Variants in CDH12 observed in about 807,000 individuals in gnomAD.
The protein encoded by CDH12 is cadherin 12.
Under a neutral mutation model 74.1 loss-of-function variants are expected in CDH12, and 41 were observed. The observed-to-expected ratio is 0.55, with a 90% CI of 0.43 to 0.72. The LOEUF (loss-of-function observed/expected upper bound fraction) is 0.72. Among genes scored for constraint, CDH12 ranks in the 30% least tolerant of loss-of-function variants. The probability of loss-of-function intolerance (pLI) is 0.00; values close to 1 mark genes in which losing one functional copy is unlikely to be tolerated. For missense variants in CDH12, 945 were observed against 977.2 expected, an observed-to-expected ratio of 0.97 and a Z score of 0.44; for synonymous variants, 399 against 355.0, an observed-to-expected ratio of 1.12 and a Z score of -1.39.
intron 1 of CDH12, among the ~76,000 whole-genome samples, chr5:22,798,279 T>C (rs377159909): frequency 6.6e-4 from 100 of 152,184 alleles, no homozygotes; most frequent in Middle Eastern, 3.4e-3. Context: ...GATAACCAAT[T>C]TGATAAAATG....
intron 1 of CDH12, among the ~76,000 whole-genome samples, chr5:22,723,947 T>A (rs2126993698): frequency 6.6e-6 from 1 of 152,034 alleles, no homozygotes; most frequent in Non-Finnish European, 1.5e-5. Flanking sequence ...ACTCTTCTGC[T>A]GTCCTCTTAA....
chr5:21,813,169 G>A (rs1170564105), intron 9 of CDH12, among the ~76,000 whole-genome samples: 2 of 152,094 alleles, frequency 1.3e-5, no homozygotes, highest in African/African-American at 2.4e-5. Context: ...GACAACCAGA[G>A]TCACTTGGGT....
At chr5:22,442,945 T>C (rs1744684096) in intron 2 of CDH12, among the ~76,000 whole-genome samples, 1 of 152,158 alleles carries the variant, frequency 6.6e-6, no homozygotes, top group African/African-American at 2.4e-5. Flanking sequence ...CAATATTGTG[T>C]AGATGAGACA....
chr5:22,703,347 C>T (rs1388122529), intron 1 of CDH12, among the ~76,000 whole-genome samples: 2 of 152,084 alleles, frequency 1.3e-5, no homozygotes, highest in Admixed American at 6.6e-5. Context: ...CATAGCCTTA[C>T]TTGAATTTTC....
chr5:22,529,065 G>GCA (rs1205138476), intron 1 of CDH12, among the ~76,000 whole-genome samples: 1 of 150,086 alleles, frequency 6.7e-6, no homozygotes, highest in African/African-American at 2.5e-5. Context: ...GTGTATATAT[G>GCA]TATATATGCA....
At chr5:22,814,060 T>A (rs562668934) in intron 1 of CDH12, among the ~76,000 whole-genome samples, 1 of 152,342 alleles carries the variant, frequency 6.6e-6, no homozygotes, top group South Asian at 2.1e-4. Flanking sequence ...AAGTCTATTT[T>A]TTCACATTAA....
At chr5:22,778,741 A>T (rs958896916) in intron 1 of CDH12, among the ~76,000 whole-genome samples, 2 of 152,118 alleles carry the variant, frequency 1.3e-5, no homozygotes, top group South Asian at 2.1e-4. Context: ...CTTTTATTTT[A>T]ACAAATTTTA....
intron 12 of CDH12, among the ~76,000 whole-genome samples, chr5:21,761,224 A>G (rs1487970511): frequency 6.6e-6 from 1 of 152,156 alleles, no homozygotes; most frequent in East Asian, 1.9e-4. Context: ...AGAGTTTTTA[A>G]TAAGCACTAT....
At chr5:22,437,936 T>C (rs1281513874) in intron 2 of CDH12, among the ~76,000 whole-genome samples, 1 of 152,104 alleles carries the variant, frequency 6.6e-6, no homozygotes, top group Admixed American at 6.6e-5. Context: ...TAAAATCATC[T>C]TTTATTTTCA....
intron 3 of CDH12, among the ~76,000 whole-genome samples, chr5:22,274,401 A>G (rs1736531014): frequency 6.6e-6 from 1 of 152,184 alleles, no homozygotes; most frequent in African/African-American, 2.4e-5. Flanking sequence ...TTTATTGTTT[A>G]GCACTATCTC....
At chr5:22,680,479 T>G (rs965965652) in intron 1 of CDH12, among the ~76,000 whole-genome samples, 2 of 152,050 alleles carry the variant, frequency 1.3e-5, no homozygotes, top group African/African-American at 4.8e-5. Context: ...CGTATTTTAT[T>G]CCATTTAAGA....
At chr5:22,821,002 C>A (rs1396863766) in intron 1 of CDH12, among the ~76,000 whole-genome samples, 1 of 152,028 alleles carries the variant, frequency 6.6e-6, no homozygotes, top group Admixed American at 6.6e-5. Context: ...ACTGGCAAAC[C>A]GAATCCAGCA....
chr5:21,817,348 G>T (rs571403721), intron 8 of CDH12, among the ~76,000 whole-genome samples: 17 of 152,126 alleles, frequency 1.1e-4, no homozygotes, highest in African/African-American at 3.9e-4. Flanking sequence ...TTTTAACTGG[G>T]CATTATAAAT....
intron 1 of CDH12, among the ~76,000 whole-genome samples, chr5:22,775,522 A>G (rs1195175033): frequency 6.6e-6 from 1 of 152,066 alleles, no homozygotes; most frequent in Non-Finnish European, 1.5e-5. Context: ...AAATAATTAC[A>G]GGAGTAATTT....
intron 4 of CDH12, among the ~76,000 whole-genome samples, chr5:22,123,267 G>T (rs1015446871): frequency 2.0e-5 from 3 of 152,066 alleles, no homozygotes; most frequent in Admixed American, 1.3e-4. Flanking sequence ...AACAAAGAAG[G>T]GGCGTCTCAC....
intron 4 of CDH12, among the ~76,000 whole-genome samples, chr5:22,091,710 C>G (rs1743443771): frequency 6.6e-6 from 1 of 151,892 alleles, no homozygotes; most frequent in Non-Finnish European, 1.5e-5. Flanking sequence ...TTCTAAAATT[C>G]ATGTAGAAAT....
At chr5:22,070,659 C>A (rs982862679) in intron 5 of CDH12, among the ~76,000 whole-genome samples, 8 of 152,160 alleles carry the variant, frequency 5.3e-5, no homozygotes, top group African/African-American at 1.9e-4. Flanking sequence ...TGTACCTACA[C>A]AACTGCATGA....
At chr5:22,100,509 C>T (rs912947779) in intron 4 of CDH12, among the ~76,000 whole-genome samples, 1 of 151,886 alleles carries the variant, frequency 6.6e-6, no homozygotes. Flanking sequence ...TAGAATTTAC[C>T]TCACATTTTG....
At chr5:22,834,195 C>G (rs1736729172) in intron 1 of CDH12, among the ~76,000 whole-genome samples, 1 of 152,088 alleles carries the variant, frequency 6.6e-6, no homozygotes, top group Non-Finnish European at 1.5e-5. Context: ...TTCTGCTGTG[C>G]CAGTTAGGAA....
Sources: allele counts gnomAD v4.1 joint callset (sites outside exome capture counted in the v4.1 genomes callset), GRCh38; gene constraint gnomAD v4.1.1; transcripts MANE v1.5; gene names NCBI Gene and HGNC (gene_info 2026-07-23, HGNC 2026-07-21).